Variants in MSH4 observed in about 807,000 individuals in gnomAD.
The protein encoded by MSH4 is mutS homolog 4, also known as mutS protein homolog 4.
MSH4 carries 106 observed loss-of-function variants against 113.7 expected under a neutral mutation model. That is an observed-to-expected ratio of 0.93 (90% CI 0.80 to 1.10). The LOEUF is 1.10. MSH4 is among the 50% of genes least tolerant of loss of function. The pLI is 0.00. For synonymous variants in MSH4, 368 were observed against 380.2 expected (o/e 0.97, Z 0.37); for missense variants, 1,061 against 1,093.7 (o/e 0.97, Z 0.42).
rs1275837957 is a variant in MSH4 at position 75,881,353 on chromosome 1, G to A, written c.1889G>A (p.Cys630Tyr). The A allele has an allele frequency of 3.1e-6, 5 of 1,611,444 alleles. No individual in the cohort carries two copies. The highest frequency in any genetic ancestry group is 4.2e-6 in the Non-Finnish European group (5 of 1,178,954). The change falls in exon 14 of 20, where the codon TGC becomes TAC. Residue 630 changes from cysteine (C) to tyrosine (Y), a missense_variant. Coordinates refer to ENST00000263187, the MANE Select transcript of MSH4 (RefSeq NM_002440.4). ...ATGCTACTGTCATTTGCTCATGCCTGCACTCTTTCTGACTATGGTAAGTTG... is the reference window on the plus strand; with the variant it reads ...ATGCTACTGTCATTTGCTCATGCCTACACTCTTTCTGACTATGGTAAGTTG... ...LDMLLSFAHA[C>Y]TLSDYVRPEF...
intron 9 of MSH4, among the ~76,000 whole-genome samples, chr1:75,876,326 T>G (rs1264288855): frequency 6.6e-6 from 1 of 152,116 alleles, no homozygotes; most frequent in Non-Finnish European, 1.5e-5. Flanking sequence ...TTTGGTGAAT[T>G]TTTTAGTTTT....
intron 9 of MSH4, among the ~76,000 whole-genome samples, chr1:75,874,167 A>G (rs1407430688): frequency 6.6e-6 from 1 of 152,070 alleles, no homozygotes; most frequent in African/African-American, 2.4e-5. Context: ...CATTTCTCTA[A>G]TGATCAGTGA....
chr1:75,874,194 CAT>C (rs1651769690), intron 9 of MSH4, among the ~76,000 whole-genome samples: 1 of 151,878 alleles, frequency 6.6e-6, no homozygotes, highest in South Asian at 2.1e-4. Flanking sequence ...GCTTTTTTTT[CAT>C]ATGTTTGTTG....
intron 19 of MSH4, among the ~76,000 whole-genome samples, chr1:75,909,417 A>G (rs1018129531): frequency 6.6e-6 from 1 of 151,652 alleles, no homozygotes; most frequent in African/African-American, 2.4e-5. Context: ...CTCTGTGGGG[A>G]GAGCAAAGGC....
intron 2 of MSH4, among the ~76,000 whole-genome samples, chr1:75,806,606 G>A (rs557092240): frequency 6.6e-6 from 1 of 152,122 alleles, no homozygotes; most frequent in South Asian, 2.1e-4. Context: ...ATTATGTCTA[G>A]CTGTGTGCCA....
At chr1:75,847,214 A>C (rs1234608579) in intron 7 of MSH4, among the ~76,000 whole-genome samples, 2 of 152,216 alleles carry the variant, frequency 1.3e-5, no homozygotes, top group African/African-American at 2.4e-5. Context: ...AGACAGTTGC[A>C]TTGGGGATCA....
At chr1:75,884,979 G>GTATA (rs57704986) in intron 15 of MSH4, among the ~76,000 whole-genome samples, 43 of 142,734 alleles carry the variant, frequency 3.0e-4, no homozygotes, top group Middle Eastern at 7.5e-3. Flanking sequence ...ATGTATGTAT[G>GTATA]TATATATATG....
At chr1:75,820,849 A>C (rs1474012845) in intron 6 of MSH4, among the ~76,000 whole-genome samples, 3 of 151,948 alleles carry the variant, frequency 2.0e-5, no homozygotes, top group Non-Finnish European at 4.4e-5. Context: ...CAACAAGAAG[A>C]GCTAACTATC....
intron 9 of MSH4, among the ~76,000 whole-genome samples, chr1:75,871,391 T>A (rs1050277033): frequency 2.0e-5 from 3 of 152,146 alleles, no homozygotes; most frequent in African/African-American, 7.2e-5. Flanking sequence ...CTAATTTCTG[T>A]CATCATAAAA....
chr1:75,890,851 T>C (rs754546293), intron 17 of MSH4, 27 bp downstream of exon 17: 1 of 1,466,504 alleles, frequency 6.8e-7, no homozygotes, highest in South Asian at 1.2e-5. Flanking sequence ...AGTATATTGA[T>C]TTTGAGTCCT....
intron 8 of MSH4, among the ~76,000 whole-genome samples, chr1:75,853,541 TCCC>T (rs1277470674): frequency 6.6e-6 from 1 of 152,168 alleles, no homozygotes; most frequent in East Asian, 1.9e-4. Flanking sequence ...CAATTATGAT[TCCC>T]CCATTTAATT....
chr1:75,902,673 GTA>G (rs34304425), intron 19 of MSH4, among the ~76,000 whole-genome samples: 77 of 90,212 alleles, frequency 8.5e-4, no homozygotes, highest in Non-Finnish European at 1.3e-3. Context: ...ATATGTGTAT[GTA>G]TATATATATA....
intron 15 of MSH4, among the ~76,000 whole-genome samples, chr1:75,885,719 A>C (rs1446996024): frequency 8.1e-5 from 8 of 98,674 alleles, no homozygotes; most frequent in Admixed American, 1.3e-4. Flanking sequence ...ATAATGTATT[A>C]TATATTATAT....
intron 19 of MSH4, among the ~76,000 whole-genome samples, chr1:75,907,684 C>CTCTCTCTCTACATATATATATATATATA (rs1307238647): frequency 4.3e-5 from 2 of 46,576 alleles, no homozygotes; most frequent in Admixed American, 3.4e-4. Flanking sequence ...CTCTCTCTCT[C>CTCTCTCTCTACATATATATATATATATA]TATACATATA....
intron 17 of MSH4, among the ~76,000 whole-genome samples, chr1:75,893,688 A>G (rs1313806697): frequency 6.6e-6 from 1 of 152,194 alleles, no homozygotes; most frequent in Non-Finnish European, 1.5e-5. Context: ...GATACATTGC[A>G]CTCTGAAAGA....
At chr1:75,889,515 C>A in intron 16 of MSH4, 146 bp downstream of exon 16, 1 of 406,422 alleles carries the variant, frequency 2.5e-6, no homozygotes, top group East Asian at 4.0e-5. Context: ...AGACAGCCTC[C>A]TAATTTCTGT....
In MSH4 at chr1:75,890,735, A is replaced by G; in HGVS notation, c.2266A>G (p.Ile756Val). The G allele has an allele frequency of 1.9e-6, 3 of 1,606,890 alleles. No homozygotes were observed. The highest frequency in any genetic ancestry group is 2.6e-6 in the Non-Finnish European group (3 of 1,176,104). ...ILHNANDKSL[I>V]LIDELGRGTN... The stretch of plus-strand genomic sequence containing the variant: ...ACATAATGCTAATGACAAATCGCTC[A>G]TATTAATTGATGAACTTGGCAGAGG... The change falls in exon 17 of 20, where the codon ATA becomes GTA. Residue 756 changes from isoleucine to valine, a missense_variant. Coordinates refer to ENST00000263187, the MANE Select transcript of MSH4 (RefSeq NM_002440.4).
At chr1:75,900,006 GTGGACA>G (rs1652473511) in intron 19 of MSH4, among the ~76,000 whole-genome samples, 2 of 151,690 alleles carry the variant, frequency 1.3e-5, no homozygotes, top group Non-Finnish European at 2.9e-5. Context: ...TCTATTTTAA[GTGGACA>G]TTAAAAATGA....
In MSH4 at chr1:75,881,273, T is replaced by C. The variant is rs1651925826; in HGVS notation, c.1809T>C (p.Ile603=). Residue 603 remains isoleucine, a synonymous_variant, in exon 14 of 20, where the codon ATT becomes ATC. Transcript: ENST00000263187. ...YMIVCKLLSE[I]YEHIHCLYKL... Reference sequence around the variant, plus strand: ...TAGTGTGCAAACTGCTTAGTGAGATTTATGAACATATTCATTGCTTATATA... The same window carrying C: ...TAGTGTGCAAACTGCTTAGTGAGATCTATGAACATATTCATTGCTTATATA... 6.2e-7 allele frequency: 1 copy of C among 1,607,702 alleles called. No individual in the cohort carries two copies. Among genetic ancestry groups the C allele is most frequent in the Non-Finnish European group, 8.5e-7 (1 of 1,175,488 alleles).
Sources: gnomAD v4.1 joint callset for allele counts (sites outside exome capture counted in the v4.1 genomes callset) on GRCh38, gnomAD v4.1.1 for gene constraint, MANE v1.5 for transcripts, NCBI Gene and HGNC (gene_info 2026-07-23, HGNC 2026-07-21) for gene names.